TMEM45A: variants seen among roughly 807,000 people sequenced by gnomAD.
The protein encoded by TMEM45A is DNA polymerase-transactivated protein 4.
A neutral mutation model predicts 32.0 loss-of-function variants in TMEM45A; 25 were observed. The observed-to-expected ratio is 0.78, with a 90% CI of 0.57 to 1.09. The LOEUF is 1.09. Among genes scored for constraint, TMEM45A ranks in the 50% least tolerant of loss-of-function variants. The pLI, the probability that TMEM45A is intolerant of heterozygous loss-of-function variation, is 0.00. For synonymous variants in TMEM45A, 122 were observed against 114.8 expected, an observed-to-expected ratio of 1.06 and a Z score of -0.40; for missense variants, 302 against 325.0, an observed-to-expected ratio of 0.93 and a Z score of 0.54.
At chr3:100,554,896 A>G (rs573131749) in intron 1 of TMEM45A, among the ~76,000 whole-genome samples, 1 of 152,358 alleles carries the variant, frequency 6.6e-6, no homozygotes, top group South Asian at 2.1e-4. Context: ...TCCCTAAAGA[A>G]AAAGGGGTAA....
rs537874914 is a variant in TMEM45A, at chr3:100,533,993, C to T, written c.-3-21216C>T. ...TGAAGGAGAGTCTCTAGAGATTGGGCCCTATATACTGGTATTTTTTATGAG... is the reference window on the plus strand; with the variant it reads ...TGAAGGAGAGTCTCTAGAGATTGGGTCCTATATACTGGTATTTTTTATGAG... On this transcript the variant is annotated intron_variant, in intron 1 of 5. Transcript: ENST00000323523. 9.9e-5 allele frequency among the ~76,000 whole-genome samples: 15 copies of T among 152,142 alleles called. No homozygotes were observed. The East Asian group carries it at 2.3e-3, about 24-fold the overall frequency.
rs1470674358 is a variant in TMEM45A at position 100,512,009 on chromosome 3, C to A, written c.-4+19081C>A. 1.2e-4 allele frequency among the ~76,000 whole-genome samples: 19 copies of A among 152,016 alleles called. No homozygotes were observed. In the South Asian group the frequency reaches 3.5e-3, roughly 28 times the overall value. On this transcript the variant is annotated intron_variant, in intron 1 of 5. Transcript: ENST00000323523. ...GTGACCTACAAAGAGACTTAGACTC[C>A]CACACATTAATAATGGGAGACTTTA...
chr3:100,550,461 A>G (rs1456188047), intron 1 of TMEM45A, among the ~76,000 whole-genome samples: 5 of 152,230 alleles, frequency 3.3e-5, no homozygotes, highest in African/African-American at 1.2e-4. Context: ...TGGAATTTAC[A>G]AATGTATTTT....
intron 1 of TMEM45A, among the ~76,000 whole-genome samples, chr3:100,510,966 G>A (rs1261936242): frequency 1.3e-5 from 2 of 152,156 alleles, no homozygotes; most frequent in African/African-American, 2.4e-5. Context: ...AGAAATATGG[G>A]ACTATGTGAA....
intron 1 of TMEM45A, 41 bp from the exon 2 acceptor site, chr3:100,555,168 A>G (rs1381738508): frequency 1.3e-6 from 2 of 1,535,280 alleles, no homozygotes; most frequent in Non-Finnish European, 8.8e-7. Flanking sequence ...GATTCTGGCA[A>G]TGAAATGTCT....
intron 4 of TMEM45A, among the ~76,000 whole-genome samples, chr3:100,560,980 C>T (rs764493760): frequency 2.0e-5 from 3 of 151,978 alleles, no homozygotes; most frequent in East Asian, 3.8e-4. Flanking sequence ...GGCATAAATC[C>T]GTGATTATTT....
chr3:100,549,268 AAAAC>A (rs1706041860), intron 1 of TMEM45A, among the ~76,000 whole-genome samples: 1 of 151,770 alleles, frequency 6.6e-6, no homozygotes, highest in Non-Finnish European at 1.5e-5. Flanking sequence ...AAAAAACAAA[AAAAC>A]AAACAAAAAA....
rs1455948654 is a variant in TMEM45A, at chr3:100,539,472, TGTATATGTATATGTATATGTATAC to T, written c.-3-15731_-3-15708del. On this transcript the variant is annotated intron_variant, in intron 1 of 5. Coordinates refer to ENST00000323523, the MANE Select transcript of TMEM45A (RefSeq NM_018004.3). ...ATGTATATGTATATGTATATGTATATGTATATGTATATGTATATGTATACGTATACGTATACGTATACGTATATG... is the reference window on the plus strand; with the variant it reads ...ATGTATATGTATATGTATATGTATATGTATACGTATACGTATACGTATATG... Among the ~76,000 whole-genome samples, 298 of 139,128 alleles carry T rather than the reference TGTATATGTATATGTATATGTATAC, an allele frequency of 2.1e-3. 7 individuals carry two copies. Among genetic ancestry groups the T allele is most frequent in the African/African-American group, 7.2e-3 (270 of 37,698 alleles). 91.3% of individuals were successfully genotyped at this position (139,128 alleles called of 152,430 possible).
chr3:100,537,523 G>A (rs1035574333), intron 1 of TMEM45A, among the ~76,000 whole-genome samples: 7 of 152,284 alleles, frequency 4.6e-5, no homozygotes, highest in Middle Eastern at 3.4e-3. Context: ...CCTTCCCAAG[G>A]TGGTCCCTGT....
Position 100,555,417 on chromosome 3 carries a change from T to C in TMEM45A, c.190+16T>C. On this transcript the variant is annotated intron_variant, in intron 2 of 5. Transcript: ENST00000323523. Reference sequence around the variant, plus strand: ...GCTTTAACTGGTGAGTGGACCATTCTGTGTTCTATTTTTACCTTTTAGGTG... The same window carrying C: ...GCTTTAACTGGTGAGTGGACCATTCCGTGTTCTATTTTTACCTTTTAGGTG... 6.3e-7 allele frequency: 1 copy of C among 1,599,342 alleles called. No individual in the cohort carries two copies. Among genetic ancestry groups the C allele is most frequent in the South Asian group, 1.1e-5 (1 of 88,650 alleles).
At chr3:100,534,263 CAG>C (rs1419046417) in intron 1 of TMEM45A, among the ~76,000 whole-genome samples, 2 of 152,110 alleles carry the variant, frequency 1.3e-5, no homozygotes, top group Non-Finnish European at 2.9e-5. Context: ...TTTCTGGAAA[CAG>C]ATAATATGTT....
At chr3:100,529,040 C>T (rs1461940523) in intron 1 of TMEM45A, among the ~76,000 whole-genome samples, 1 of 152,142 alleles carries the variant, frequency 6.6e-6, no homozygotes, top group Non-Finnish European at 1.5e-5. Flanking sequence ...TTCTCTCCTA[C>T]CAAGGACAAG....
rs1706661920 is a variant in TMEM45A, at chr3:100,575,370, T to C, written c.735-1555T>C. Reference sequence around the variant, plus strand: ...CCCAGGCCTATGGATTCTCTTTTTTTTTTTTTTTTTTTTTTTTTTTGAGAT... The same window carrying C: ...CCCAGGCCTATGGATTCTCTTTTTTCTTTTTTTTTTTTTTTTTTTTGAGAT... On this transcript the variant is annotated intron_variant, in intron 5 of 5. Coordinates refer to ENST00000323523, the MANE Select transcript of TMEM45A (RefSeq NM_018004.3). Among the ~76,000 whole-genome samples the C allele has an allele frequency of 2.3e-5, 3 of 128,310 alleles. 1 individual carries two copies. Among genetic ancestry groups the C allele is most frequent in the African/African-American group, 1.0e-4 (3 of 28,574 alleles). 84.2% of individuals were successfully genotyped at this position (128,310 alleles called of 152,430 possible). A position where few individuals can be genotyped will look rare whatever the true frequency, so the allele number is the denominator to read the frequency against.
At chr3:100,559,308 T>A (rs1361579782) in intron 4 of TMEM45A, among the ~76,000 whole-genome samples, 2 of 152,190 alleles carry the variant, frequency 1.3e-5, no homozygotes, top group African/African-American at 2.4e-5. Context: ...GAAGACTTCT[T>A]AGAAGAGATT....
intron 4 of TMEM45A, among the ~76,000 whole-genome samples, chr3:100,568,489 C>A (rs1023093017): frequency 6.6e-6 from 1 of 152,024 alleles, no homozygotes; most frequent in Non-Finnish European, 1.5e-5. Flanking sequence ...ATTTTAAAAC[C>A]TTTTTGTACT....
At chr3:100,543,872 G>T (rs80123433) in intron 1 of TMEM45A, among the ~76,000 whole-genome samples, 3,380 of 152,274 alleles carry the variant, frequency 0.022, 135 homozygotes, top group African/African-American at 0.077. Flanking sequence ...CTTATCACCA[G>T]CACAACCTTG....
intron 1 of TMEM45A, among the ~76,000 whole-genome samples, chr3:100,524,943 A>G (rs1407382654): frequency 6.6e-6 from 1 of 152,172 alleles, no homozygotes; most frequent in Non-Finnish European, 1.5e-5. Flanking sequence ...TAATCCCAGC[A>G]CTTTGGGAGG....
chr3:100,523,643 C>T (rs1301365606), intron 1 of TMEM45A, among the ~76,000 whole-genome samples: 1 of 151,612 alleles, frequency 6.6e-6, no homozygotes, highest in Non-Finnish European at 1.5e-5. Flanking sequence ...TTCTCCTCTT[C>T]CTCCTCCTCC....
chr3:100,528,398 C>T (rs1705587476), intron 1 of TMEM45A, among the ~76,000 whole-genome samples: 1 of 152,170 alleles, frequency 6.6e-6, no homozygotes, highest in South Asian at 2.1e-4. Context: ...TTTTCATTTA[C>T]TTTGAGGTTT....
Sources: allele counts gnomAD v4.1 joint callset (sites outside exome capture counted in the v4.1 genomes callset), GRCh38; gene constraint gnomAD v4.1.1; transcripts MANE v1.5; gene names NCBI Gene and HGNC (gene_info 2026-07-23, HGNC 2026-07-21).